MCTP1: variants seen among roughly 807,000 people sequenced by gnomAD.
MCTP1 encodes multiple C2 and transmembrane domain-containing protein 1.
In MCTP1, 69 loss-of-function variants were observed where a neutral mutation model predicts 120.6. The observed-to-expected ratio is 0.57, with a 90% CI of 0.47 to 0.70. The LOEUF (loss-of-function observed/expected upper bound fraction) is 0.70. Ranked by LOEUF, MCTP1 falls within the 30% of genes least tolerant of loss-of-function variation. The probability of loss-of-function intolerance (pLI) is 0.00; values close to 1 mark genes in which losing one functional copy is unlikely to be tolerated. For missense variants in MCTP1, 1,203 were observed against 1,248.8 expected (o/e 0.96, Z 0.55); for synonymous variants, 529 against 493.1 (o/e 1.07, Z -0.96).
chr5:95,138,229 T>G (rs923780185), intron 1 of MCTP1, among the ~76,000 whole-genome samples: 3 of 145,456 alleles, frequency 2.1e-5, no homozygotes, highest in African/African-American at 7.5e-5. Context: ...TCCTGTGAGA[T>G]GCAACCCCCC....
At chr5:95,221,191 A>G (rs2152610331) in intron 1 of MCTP1, among the ~76,000 whole-genome samples, 1 of 152,372 alleles carries the variant, frequency 6.6e-6, no homozygotes, top group South Asian at 2.1e-4. Context: ...TGGTAGTCAC[A>G]TAAATATAAT....
chr5:94,884,125 C>T (rs1800727485), intron 12 of MCTP1, among the ~76,000 whole-genome samples: 1 of 152,154 alleles, frequency 6.6e-6, no homozygotes, highest in Non-Finnish European at 1.5e-5. Flanking sequence ...ATGCAGGCAG[C>T]CTCCTGATAA....
intron 4 of MCTP1, among the ~76,000 whole-genome samples, chr5:94,941,703 C>A (rs560299552): frequency 6.6e-6 from 1 of 152,084 alleles, no homozygotes; most frequent in East Asian, 1.9e-4. Context: ...TTCTATAATA[C>A]AAATCAATTC....
intron 19 of MCTP1, among the ~76,000 whole-genome samples, chr5:94,727,431 T>C (rs1762344475): frequency 6.6e-6 from 1 of 152,212 alleles, no homozygotes; most frequent in African/African-American, 2.4e-5. Context: ...ACTACTGGTA[T>C]TTCCTTTCCA....
rs1196045398 is a variant in MCTP1 at position 94,954,125 on chromosome 5, A to AAT, written c.839-766_839-765dup. Among the ~76,000 whole-genome samples, 57 of 72,968 alleles carry AAT rather than the reference A, an allele frequency of 7.8e-4. 9 individuals are homozygous for AAT. The highest frequency in any genetic ancestry group is 3.7e-3 in the African/African-American group (54 of 14,550). 47.9% of individuals were successfully genotyped at this position (72,968 alleles called of 152,430 possible). A position where few individuals can be genotyped will look rare whatever the true frequency, so the allele number is the denominator to read the frequency against. On this transcript the variant is annotated intron_variant, in intron 2 of 22. Coordinates refer to ENST00000515393, the MANE Select transcript of MCTP1 (RefSeq NM_024717.7). ...ATACATATATATGAATATATATACA[A>AAT]ATATATATATGCATATATATACATA...
intron 1 of MCTP1, among the ~76,000 whole-genome samples, chr5:95,233,611 G>T (rs2152657432): frequency 6.6e-6 from 1 of 152,268 alleles, no homozygotes; most frequent in African/African-American, 2.4e-5. Context: ...TTACAGGCGT[G>T]AGCCACCGCA....
At chr5:95,236,058 G>A (rs1041611684) in intron 1 of MCTP1, among the ~76,000 whole-genome samples, 2 of 152,148 alleles carry the variant, frequency 1.3e-5, no homozygotes, top group African/African-American at 4.8e-5. Context: ...ACACAGTAAA[G>A]TTTAAGACTA....
intron 1 of MCTP1, among the ~76,000 whole-genome samples, chr5:95,132,664 C>G (rs1045857978): frequency 6.6e-6 from 1 of 152,184 alleles, no homozygotes; most frequent in South Asian, 2.1e-4. Flanking sequence ...TGCTGTCCCC[C>G]CACTGTCCCT....
intron 17 of MCTP1, among the ~76,000 whole-genome samples, chr5:94,852,933 A>G (rs1794033118): frequency 6.6e-6 from 1 of 151,994 alleles, no homozygotes; most frequent in Admixed American, 6.6e-5. Flanking sequence ...GATCTTTGGC[A>G]TTGTTCACTA....
At chr5:94,911,100 A>G (rs1808446454) in intron 9 of MCTP1, among the ~76,000 whole-genome samples, 1 of 152,180 alleles carries the variant, frequency 6.6e-6, no homozygotes, top group Non-Finnish European at 1.5e-5. Flanking sequence ...GCTCTCTGAT[A>G]TTTTTAACTA....
chr5:95,009,262 A>G (rs1384013880), intron 2 of MCTP1, among the ~76,000 whole-genome samples: 1 of 152,198 alleles, frequency 6.6e-6, no homozygotes, highest in Non-Finnish European at 1.5e-5. Flanking sequence ...CCAAATTTCA[A>G]GAAATCAAAT....
chr5:95,223,951 T>C (rs1467853079), intron 1 of MCTP1, among the ~76,000 whole-genome samples: 1 of 152,208 alleles, frequency 6.6e-6, no homozygotes, highest in Non-Finnish European at 1.5e-5. Flanking sequence ...TTTTCTGTTT[T>C]TCTAGACTAT....
chr5:95,237,823 T>C (rs1310495164), intron 1 of MCTP1, among the ~76,000 whole-genome samples: 1 of 152,100 alleles, frequency 6.6e-6, no homozygotes, highest in African/African-American at 2.4e-5. Context: ...GAATGGGCAA[T>C]TGGCAAGCTG....
At position 94,938,762 on chromosome 5, in the gene MCTP1, A is replaced by G. The variant is rs112790432; in HGVS notation, c.1173+1322T>C. ...CATTTAAATAAAACACAAAATGCAC[A>G]TTTATAATTGATTCTTATGTATGGA... is the stretch of plus-strand genomic sequence containing the variant. On this transcript the variant is annotated intron_variant, in intron 5 of 22. Coordinates refer to ENST00000515393, the MANE Select transcript of MCTP1 (RefSeq NM_024717.7). Among the ~76,000 whole-genome samples, 21 of 152,166 alleles carry G rather than the reference A, an allele frequency of 1.4e-4. 3 individuals carry two copies. The highest frequency in any genetic ancestry group is 4.6e-4 in the African/African-American group (19 of 41,550).
intron 1 of MCTP1, among the ~76,000 whole-genome samples, chr5:95,168,209 C>A (rs1236411164): frequency 6.6e-6 from 1 of 151,974 alleles, no homozygotes; most frequent in African/African-American, 2.4e-5. Flanking sequence ...TAGTTGTAGA[C>A]GTGTGGTAGT....
chr5:94,998,899 G>A (rs1384463525), intron 2 of MCTP1, among the ~76,000 whole-genome samples: 1 of 152,142 alleles, frequency 6.6e-6, no homozygotes, highest in Non-Finnish European at 1.5e-5. Context: ...AAGATGGGAA[G>A]GCTTAAATGC....
intron 3 of MCTP1, among the ~76,000 whole-genome samples, chr5:94,948,987 ATTAT>A (rs1220149781): frequency 6.6e-6 from 1 of 152,116 alleles, no homozygotes; most frequent in Non-Finnish European, 1.5e-5. Context: ...ATAGAAATGA[ATTAT>A]TTAAGGAAAT....
chr5:95,203,632 A>G (rs149674586), intron 1 of MCTP1, among the ~76,000 whole-genome samples: 26 of 152,350 alleles, frequency 1.7e-4, no homozygotes, highest in African/African-American at 6.3e-4. Flanking sequence ...AAATTAATCA[A>G]ATGAATGAAT....
At chr5:95,081,663 G>A (rs540202616) in intron 1 of MCTP1, 35 of 1,321,884 alleles carry the variant, frequency 2.6e-5, no homozygotes, top group South Asian at 1.9e-4. Flanking sequence ...AGAAGAACCC[G>A]TGATGTTTAA....
Sources: allele counts gnomAD v4.1 joint callset (sites outside exome capture counted in the v4.1 genomes callset), GRCh38; gene constraint gnomAD v4.1.1; transcripts MANE v1.5; gene names NCBI Gene and HGNC (gene_info 2026-07-23, HGNC 2026-07-21).